The following NBEAL2 variants were observed in gnomAD, a reference collection of about 807,000 sequenced individuals.
NBEAL2 encodes the protein neurobeachin-like protein 2.
In NBEAL2, 160 loss-of-function variants were observed where a neutral mutation model predicts 299.8. That is an observed-to-expected ratio of 0.53 (90% confidence interval 0.47 to 0.61). The LOEUF (loss-of-function observed/expected upper bound fraction) is 0.61, where lower values mean the gene tolerates loss of function less well. NBEAL2 is among the 20% of genes least tolerant of loss of function. The pLI is 0.00. For missense variants in NBEAL2, 3,112 were observed against 3,649.0 expected, an observed-to-expected ratio of 0.85 and a Z score of 3.79; for synonymous variants, 1,493 against 1,542.3, an observed-to-expected ratio of 0.97 and a Z score of 0.75.
At chr3:46,994,965 G>A in intron 12 of NBEAL2, 67 bp from the exon 13 acceptor site, 1 of 1,474,546 alleles carries the variant, frequency 6.8e-7, no homozygotes, top group Non-Finnish European at 9.1e-7. Flanking sequence ...AGTAAATGGA[G>A]CCAGAAAGTC....
chr3:46,998,930 C>T (rs373694654), intron 23 of NBEAL2, 29 bp from the exon 24 acceptor site: 27 of 1,601,212 alleles, frequency 1.7e-5, no homozygotes, highest in Admixed American at 6.9e-5. Context: ...AGTGGGGGCC[C>T]GACACAGTGT....
rs1181660010 is a variant in NBEAL2 at position 47,000,496 on chromosome 3, G to A, written c.4305+92G>A. 1.4e-6 allele frequency: 2 copies of A among 1,480,008 alleles called. No individual in the cohort carries two copies. Among genetic ancestry groups the A allele is most frequent in the Non-Finnish European group, 1.8e-6 (2 of 1,103,794 alleles). The allele number at this position is 1,480,008 out of a possible 1,614,324, so 91.7% of individuals were successfully genotyped here. Reference sequence around the variant, plus strand: ...GGCAGTGTAGCCTCTCCAAAGGTGTGGCCCTGTCTGACCAGGGTTGCAGCC... The same window carrying A: ...GGCAGTGTAGCCTCTCCAAAGGTGTAGCCCTGTCTGACCAGGGTTGCAGCC... On this transcript the variant is annotated intron_variant, in intron 27 of 53. Transcript: ENST00000450053. The surrounding 1 kb of genome is among the most constrained non-coding windows in gnomAD (Gnocchi z 4.5).
rs760765103 is a variant in NBEAL2 at position 47,001,850 on chromosome 3, G to A, written c.4782+24G>A. 1 of 1,612,336 alleles carries A rather than the reference G, an allele frequency of 6.2e-7. No individual in the cohort carries two copies. The highest frequency in any genetic ancestry group is 8.5e-7 in the Non-Finnish European group (1 of 1,178,896). Reference sequence around the variant, plus strand: ...AGGTGAGCACAGGGTGAGCATGGGGGCAGGGGGCGTGTGAGATGTCGGGAG... The same window carrying A: ...AGGTGAGCACAGGGTGAGCATGGGGACAGGGGGCGTGTGAGATGTCGGGAG... On this transcript the variant is annotated intron_variant, in intron 30 of 53. Coordinates refer to ENST00000450053, the MANE Select transcript of NBEAL2 (RefSeq NM_015175.3). The surrounding 1 kb of genome is among the most constrained non-coding windows in gnomAD (Gnocchi z 6.1).
At position 46,996,051 on chromosome 3, in the gene NBEAL2, G is replaced by C. The variant is rs2107346255; in HGVS notation, c.2151G>C (p.Glu717Asp). 2 of 1,601,684 alleles carry C rather than the reference G, an allele frequency of 1.2e-6. No homozygotes were observed. Among genetic ancestry groups the C allele is most frequent in the Non-Finnish European group, 1.7e-6 (2 of 1,174,300 alleles). Residue 717 changes from glutamate to aspartate, a missense_variant and splice_region_variant, in exon 15 of 54, where the codon GAG becomes GAC. Glu to Asp is a conservative substitution (Grantham distance 45). Coordinates refer to ENST00000450053, the MANE Select transcript of NBEAL2 (RefSeq NM_015175.3). The part of the protein sequence containing the change: ...TAPLRCPSLS[E>D]PFSSCCIGSA... ...CCCTTCGCTGCCCCTCCCTCAGTGAGGTGTGCCAAGCAAGGTTTGGGGAGG... is the reference window on the plus strand; with the variant it reads ...CCCTTCGCTGCCCCTCCCTCAGTGACGTGTGCCAAGCAAGGTTTGGGGAGG...
chr3:47,002,838 G>A (rs778267165), intron 33 of NBEAL2, 36 bp downstream of exon 33: 2 of 1,549,474 alleles, frequency 1.3e-6, no homozygotes, highest in Admixed American at 1.8e-5. Flanking sequence ...CTGTGGAGGG[G>A]TGGGGCTTGG....
chr3:47,006,324 T>C lies in NBEAL2; in HGVS notation c.7018-9T>C, dbSNP rs1559620567. 1 of 1,600,078 alleles carries C rather than the reference T, an allele frequency of 6.2e-7. No homozygotes were observed. The highest frequency in any genetic ancestry group is 1.1e-5 in the South Asian group (1 of 88,916). On this transcript the variant is annotated splice_polypyrimidine_tract_variant and intron_variant, in intron 44 of 53. Coordinates refer to ENST00000450053, the MANE Select transcript of NBEAL2 (RefSeq NM_015175.3). ...CATGCCATGGTGCTGACCAGCCACT[T>C]ACCCACAGGAGCCACATCCAACTCG... is the stretch of plus-strand genomic sequence containing the variant.
rs142322314 is a variant in NBEAL2, at chr3:46,997,128, G to A, written c.2649+82G>A. The A allele has an allele frequency of 5.8e-6, 9 of 1,552,176 alleles. No homozygotes were observed. The East Asian group carries it at 6.8e-5, about 12-fold the overall frequency. ...TGTTCGGAGTCAGCTGGGGAGCAGC[G>A]CTGTGCCTGGGGAGGATTTGGACAG... On this transcript the variant is annotated intron_variant, in intron 18 of 53. Transcript: ENST00000450053.
chr3:46,995,890 G>A, intron 14 of NBEAL2, 42 bp from the exon 15 acceptor site: 1 of 1,613,322 alleles, frequency 6.2e-7, no homozygotes, highest in Non-Finnish European at 8.5e-7. Flanking sequence ...AGAGAGGGGT[G>A]CTGAGTCCCA....
rs982681262 is a variant in NBEAL2, at chr3:47,003,341, G to T, written c.5720+32G>T. The T allele has an allele frequency of 1.2e-6, 2 of 1,602,022 alleles. No homozygotes were observed. Among genetic ancestry groups the T allele is most frequent in the Non-Finnish European group, 1.7e-6 (2 of 1,174,068 alleles). ...GGGGCCCTGGAGAGATTGGACTGGT[G>T]TGGTGGGCAAGGGGTCTGCTCCAGT... is the stretch of plus-strand genomic sequence containing the variant. On this transcript the variant is annotated intron_variant, in intron 35 of 53. Transcript: ENST00000450053. This position sits in a 1 kb window ranked among gnomAD's most constrained non-coding sequence, Gnocchi z 7.0.
rs1389501579 is a variant in NBEAL2, at chr3:46,997,434, G to A, written c.2824+1G>A. The A allele has an allele frequency of 8.1e-6, 13 of 1,607,240 alleles. No homozygotes were observed. In the South Asian group the frequency reaches 1.2e-4, roughly 15 times the overall value. The stretch of plus-strand genomic sequence containing the variant: ...GTTCTCCCATTGGGTAAATCTTCAG[G>A]TAAGTGTTCCTGGTGCCTATGTTGT... On this transcript the variant is annotated splice_donor_variant, in intron 19 of 53. Transcript: ENST00000450053. LOFTEE classifies it high-confidence loss of function.
chr3:46,991,709 T>G lies in NBEAL2; in HGVS notation c.925+21T>G. On this transcript the variant is annotated intron_variant, in intron 8 of 53. Transcript: ENST00000450053. The surrounding 1 kb of genome is among the most constrained non-coding windows in gnomAD (Gnocchi z 6.2). ...GCTCGGTGGGTATGGGCTCCCAGGC[T>G]CTTGGGGAAGGGGCACCATGAGGGA... 1 of 1,587,490 alleles carries G rather than the reference T, an allele frequency of 6.3e-7. No homozygotes were observed. The highest frequency in any genetic ancestry group is 1.3e-5 in the African/African-American group (1 of 74,560).
chr3:46,989,460 G>T lies in NBEAL2; in HGVS notation c.474-51G>T, dbSNP rs376931816. On this transcript the variant is annotated intron_variant, in intron 5 of 53. Coordinates refer to ENST00000450053, the MANE Select transcript of NBEAL2 (RefSeq NM_015175.3). The surrounding 1 kb of genome is among the most constrained non-coding windows in gnomAD (Gnocchi z 5.5). The stretch of plus-strand genomic sequence containing the variant: ...CGCGCTGGGCCCAAGGAGGGGTGAC[G>T]GCCAGGAGTGGTGAGAGCCGGGCTG... 1 of 1,565,724 alleles carries T rather than the reference G, an allele frequency of 6.4e-7. No individual in the cohort carries two copies. Among genetic ancestry groups the T allele is most frequent in the Admixed American group, 1.9e-5 (1 of 52,564 alleles).
In NBEAL2 at chr3:47,006,013, G is replaced by T; in HGVS notation, c.6869G>T (p.Gly2290Val). Residue 2290 changes from glycine to valine, a missense_variant, in exon 43 of 54, where the codon GGG becomes GTG. Gly to Val is a moderately radical substitution (Grantham distance 109). Transcript: ENST00000450053. Reference protein sequence around the residue: ...IDLIFGYKQRGPAAEEALNVF... With the variant: ...IDLIFGYKQRVPAAEEALNVF... ...CTCATCTTTGGCTACAAGCAGCGGG[G>T]GCCAGCCGCCGAGGAGGCCCTCAAT... 6.2e-7 allele frequency: 1 copy of T among 1,613,800 alleles called. No homozygotes were observed. Among genetic ancestry groups the T allele is most frequent in the Non-Finnish European group, 8.5e-7 (1 of 1,179,890 alleles).
Position 46,992,033 on chromosome 3 carries a change from C to T in NBEAL2, c.1032+87C>T, listed in dbSNP as rs1244586115. 9.3e-6 allele frequency: 11 copies of T among 1,189,176 alleles called. No homozygotes were observed. The East Asian group carries it at 2.5e-4, about 28-fold the overall frequency. 73.7% of individuals were successfully genotyped at this position (1,189,176 alleles called of 1,614,324 possible). ...AGGTGCCAGGCTGCTGCTGAGCAAA[C>T]ATGGGCTGGACAGAGTCAGTGTTTT... On this transcript the variant is annotated intron_variant, in intron 9 of 53. Coordinates refer to ENST00000450053, the MANE Select transcript of NBEAL2 (RefSeq NM_015175.3).
In NBEAL2 at chr3:47,001,740, C is replaced by T; in HGVS notation, c.4696C>T (p.Leu1566=). ...TGATCGCCTGGGAGCCTGGCCCCAC[C>T]TGGCCAACGGCACAGCTGATCTCCG... ...LLDRLGAWPH[L]ANGTADLREM... The change falls in exon 30 of 54, where the codon CTG becomes TTG. Residue 1566 remains leucine (L), a synonymous_variant. Transcript: ENST00000450053. This position sits in a 1 kb window ranked among gnomAD's most constrained non-coding sequence, Gnocchi z 6.1. 6.2e-7 allele frequency: 1 copy of T among 1,613,962 alleles called. No homozygotes were observed. Among genetic ancestry groups the T allele is most frequent in the African/African-American group, 1.3e-5 (1 of 75,066 alleles).
Position 46,991,074 on chromosome 3 carries a change from C to G in NBEAL2, c.557-145C>G, listed in dbSNP as rs1175993673. On this transcript the variant is annotated intron_variant, in intron 6 of 53. Coordinates refer to ENST00000450053, the MANE Select transcript of NBEAL2 (RefSeq NM_015175.3). The surrounding 1 kb of genome is among the most constrained non-coding windows in gnomAD (Gnocchi z 6.2). ...TCCTTAGATGCCCCCCAGGGCAGAG[C>G]CAGCTCTTATCCCTCACACTGGATC... 8.5e-6 allele frequency: 6 copies of G among 701,870 alleles called. No homozygotes were observed. The highest frequency in any genetic ancestry group is 1.5e-5 in the Non-Finnish European group (6 of 401,750). The allele number at this position is 701,870 out of a possible 1,614,324, so 43.5% of individuals were successfully genotyped here. A position where few individuals can be genotyped will look rare whatever the true frequency, so the allele number is the denominator to read the frequency against.
In NBEAL2 at chr3:47,001,605, C is replaced by T. The variant is rs2036996839; in HGVS notation, c.4645-84C>T. On this transcript the variant is annotated intron_variant, in intron 29 of 53. Transcript: ENST00000450053. The surrounding 1 kb of genome is among the most constrained non-coding windows in gnomAD (Gnocchi z 6.1). The stretch of plus-strand genomic sequence containing the variant: ...GTGTGCACAAACCCTACCTGGCCCC[C>T]AGCGCAAACTTTACTTTGCTCCCTT... 1 of 1,583,938 alleles carries T rather than the reference C, an allele frequency of 6.3e-7. No individual in the cohort carries two copies. The highest frequency in any genetic ancestry group is 8.6e-7 in the Non-Finnish European group (1 of 1,163,204).
Position 47,008,586 on chromosome 3 carries a change from C to G in NBEAL2, c.7945C>G (p.Gln2649Glu). The change falls in exon 52 of 54, where the codon CAG becomes GAG. Residue 2649 changes from glutamine (Q) to glutamate (E), a missense_variant. Gln to Glu is a conservative substitution (Grantham distance 29). Coordinates refer to ENST00000450053, the MANE Select transcript of NBEAL2 (RefSeq NM_015175.3). Reference protein sequence around the residue: ...KLRASLPLAEQPTALTVTEDF... With the variant: ...KLRASLPLAEEPTALTVTEDF... Reference sequence around the variant, plus strand: ...GCGGGCTTCACTGCCCCTGGCAGAGCAGCCTACAGCCCTGACGGTGACAGA... The same window carrying G: ...GCGGGCTTCACTGCCCCTGGCAGAGGAGCCTACAGCCCTGACGGTGACAGA... 2 of 1,613,684 alleles carry G rather than the reference C, an allele frequency of 1.2e-6. No homozygotes were observed. Among genetic ancestry groups the G allele is most frequent in the Non-Finnish European group, 1.7e-6 (2 of 1,179,868 alleles).
chr3:46,983,512 G>A (rs1000242537), intron 1 of NBEAL2, among the ~76,000 whole-genome samples: 1 of 152,048 alleles, frequency 6.6e-6, no homozygotes, highest in African/African-American at 2.4e-5. Flanking sequence ...GTTTCACTAT[G>A]TTGGCTAGGC....
Sources: gnomAD v4.1 joint callset for allele counts (sites outside exome capture counted in the v4.1 genomes callset) on GRCh38, gnomAD v4.1.1 for gene constraint, Gnocchi (gnomAD v3.1) non-coding constraint, MANE v1.5 for transcripts, NCBI Gene and HGNC (gene_info 2026-07-23, HGNC 2026-07-21) for gene names.